The following ZBTB16 variants were observed in gnomAD, a reference collection of about 807,000 sequenced individuals.
ZBTB16 encodes zinc finger and BTB domain containing 16.
In ZBTB16, 8 loss-of-function variants were observed where a neutral mutation model predicts 56.8. That is an observed-to-expected ratio of 0.14 (90% CI 0.08 to 0.25). The LOEUF (loss-of-function observed/expected upper bound fraction) is 0.25. ZBTB16 is among the 10% of genes least tolerant of loss of function. The pLI is 1.00. For synonymous variants in ZBTB16, 363 were observed against 368.5 expected (o/e 0.98, Z 0.17); for missense variants, 625 against 903.0 (o/e 0.69, Z 3.95).
chr11:114,172,997 T>C (rs1943009971), intron 3 of ZBTB16, among the ~76,000 whole-genome samples: 2 of 152,192 alleles, frequency 1.3e-5, no homozygotes, highest in Non-Finnish European at 2.9e-5. Context: ...GTCAGTGCCG[T>C]AGTTGTAATG....
At chr11:114,092,096 C>T (rs1940213605) in intron 2 of ZBTB16, among the ~76,000 whole-genome samples, 1 of 152,142 alleles carries the variant, frequency 6.6e-6, no homozygotes, top group Non-Finnish European at 1.5e-5. Context: ...GAGGTCCCGG[C>T]CAGAGGGGCA....
In ZBTB16 at chr11:114,144,220, G is replaced by GCAC. The variant is rs769906981; in HGVS notation, c.1269-12116_1269-12114dup. Among the ~76,000 whole-genome samples, 78 of 142,924 alleles carry GCAC rather than the reference G, an allele frequency of 5.5e-4. 1 individual carries two copies. Among genetic ancestry groups the GCAC allele is most frequent in the Non-Finnish European group, 8.8e-4 (57 of 64,498 alleles). 93.8% of individuals were successfully genotyped at this position (142,924 alleles called of 152,430 possible). Reference sequence around the variant, plus strand: ...CACACACACACACACACACTCCCACGCACACTGGGCATGGACACCAATTGT... The same window carrying GCAC: ...CACACACACACACACACACTCCCACGCACCACACTGGGCATGGACACCAATTGT... On this transcript the variant is annotated intron_variant, in intron 2 of 6. Coordinates refer to ENST00000335953, the MANE Select transcript of ZBTB16 (RefSeq NM_006006.6).
intron 3 of ZBTB16, among the ~76,000 whole-genome samples, chr11:114,185,060 TAGTC>T (rs1319565303): frequency 6.6e-6 from 1 of 151,760 alleles, no homozygotes; most frequent in Non-Finnish European, 1.5e-5. Context: ...AAAACAGAAT[TAGTC>T]AGGCATGGTG....
intron 4 of ZBTB16, among the ~76,000 whole-genome samples, chr11:114,237,492 C>T (rs897485244): frequency 2.6e-4 from 39 of 152,220 alleles, no homozygotes; most frequent in African/African-American, 7.7e-4. Context: ...TAGCAGAGGA[C>T]GGAACCCAGG....
chr11:114,085,546 A>G (rs893842521), intron 2 of ZBTB16, among the ~76,000 whole-genome samples: 6 of 152,164 alleles, frequency 3.9e-5, no homozygotes, highest in Admixed American at 2.6e-4. Context: ...GTATGATTAA[A>G]TATTATATAA....
At chr11:114,162,791 C>T (rs1287431000) in intron 3 of ZBTB16, among the ~76,000 whole-genome samples, 4 of 152,166 alleles carry the variant, frequency 2.6e-5, no homozygotes, top group Non-Finnish European at 1.5e-5. Flanking sequence ...GCCCTCCCTT[C>T]GGTCCGCATG....
chr11:114,060,997 G>T lies in ZBTB16; in HGVS notation c.-91+1115G>T, dbSNP rs1277245583. 6.6e-6 allele frequency among the ~76,000 whole-genome samples: 1 copy of T among 152,158 alleles called. No individual in the cohort carries two copies. Among genetic ancestry groups the T allele is most frequent in the Non-Finnish European group, 1.5e-5 (1 of 68,018 alleles). ...CCGCTCTCGCCGCGGAGTCCAGCCC[G>T]CCCGGACTGTCGCCGTTCCTCCCCG... On this transcript the variant is annotated intron_variant, in intron 1 of 6. Transcript: ENST00000335953. This position sits in a 1 kb window ranked among gnomAD's most constrained non-coding sequence, Gnocchi z 6.0.
At chr11:114,094,310 G>A (rs1351911517) in intron 2 of ZBTB16, among the ~76,000 whole-genome samples, 2 of 152,090 alleles carry the variant, frequency 1.3e-5, no homozygotes, top group East Asian at 3.9e-4. Flanking sequence ...GCAAGACTCC[G>A]TCTCAAAAAA....
intron 2 of ZBTB16, among the ~76,000 whole-genome samples, chr11:114,129,610 G>T (rs1266556325): frequency 6.6e-6 from 1 of 152,070 alleles, no homozygotes; most frequent in African/African-American, 2.4e-5. Context: ...TTCATTTCCT[G>T]CTCAGAAATA....
At chr11:114,106,475 T>C (rs1428355487) in intron 2 of ZBTB16, among the ~76,000 whole-genome samples, 3 of 149,216 alleles carry the variant, frequency 2.0e-5, no homozygotes, top group Admixed American at 6.8e-5. Context: ...CGATCTTCTT[T>C]TTTTTTTTTT....
chr11:114,216,974 G>A lies in ZBTB16; in HGVS notation c.1454-25193G>A, dbSNP rs79154748. Among the ~76,000 whole-genome samples the A allele has an allele frequency of 5.6e-3, 860 of 152,342 alleles. 8 individuals are homozygous for A. The highest frequency in any genetic ancestry group is 0.019 in the African/African-American group (778 of 41,582). ...ATACACAGGATACTGTGGTAGCCCA[G>A]AGGAAGGGTGCTCAGCAGATACCCA... is the stretch of plus-strand genomic sequence containing the variant. On this transcript the variant is annotated intron_variant, in intron 4 of 6. Coordinates refer to ENST00000335953, the MANE Select transcript of ZBTB16 (RefSeq NM_006006.6).
intron 2 of ZBTB16, among the ~76,000 whole-genome samples, chr11:114,130,030 G>C (rs567240050): frequency 3.3e-5 from 5 of 152,372 alleles, no homozygotes; most frequent in African/African-American, 1.2e-4. Flanking sequence ...TGGAAATCAA[G>C]TGTCTCTTAA....
chr11:114,175,309 A>G (rs1309906046), intron 3 of ZBTB16, among the ~76,000 whole-genome samples: 2 of 152,254 alleles, frequency 1.3e-5, no homozygotes, highest in African/African-American at 4.8e-5. Flanking sequence ...TGCTGCTGCC[A>G]TAGTGTTGAC....
chr11:114,233,448 C>T (rs1365951709), intron 4 of ZBTB16, among the ~76,000 whole-genome samples: 2 of 151,928 alleles, frequency 1.3e-5, no homozygotes. Context: ...CTTAACATGC[C>T]CCCTTCCTGC....
chr11:114,156,363 A>G lies in ZBTB16; in HGVS notation c.1295A>G (p.Tyr432Cys). ...AAGCTGCACAGTGGGATGAAGACGT[A>G]CGGGTGCGAGCTCTGCGGGAAGCGG... ...HRKLHSGMKT[Y>C]GCELCGKRFL... is the part of the protein sequence containing the mutation. Residue 432 changes from tyrosine to cysteine, a missense_variant, in exon 3 of 7, where the codon TAC (tyrosine) becomes TGC (cysteine). Around this residue, in one of 6 missense-constraint regions of ZBTB16, gnomAD observed 140 missense variants for 214.8 expected, o/e 0.65. Transcript: ENST00000335953. The G allele has an allele frequency of 6.2e-7, 1 of 1,614,250 alleles. No homozygotes were observed. Among genetic ancestry groups the G allele is most frequent in the Non-Finnish European group, 8.5e-7 (1 of 1,180,040 alleles).
chr11:114,221,783 G>A lies in ZBTB16; in HGVS notation c.1454-20384G>A, dbSNP rs1373473112. On this transcript the variant is annotated intron_variant, in intron 4 of 6. Coordinates refer to ENST00000335953, the MANE Select transcript of ZBTB16 (RefSeq NM_006006.6). ...GTCTTTAGCATTCTCTGACTGTGCT[G>A]GTATTACTGGGAAACAACAGTCTTC... 2.6e-5 allele frequency among the ~76,000 whole-genome samples: 4 copies of A among 152,234 alleles called. No individual in the cohort carries two copies. In the East Asian group the frequency reaches 7.7e-4, roughly 29 times the overall value.
rs1467624664 is a variant in ZBTB16 at position 114,063,882 on chromosome 11, A to G, written c.582A>G (p.Ser194=). The G allele has an allele frequency of 6.2e-7, 1 of 1,614,070 alleles. No individual in the cohort carries two copies. The highest frequency in any genetic ancestry group is 8.5e-7 in the Non-Finnish European group (1 of 1,180,016). The part of the protein sequence containing the change: ...SPSVSTSFGL[S]AMSPTKAAVD... ...CAGTCTCCACTTCATTTGGTCTTTC[A>G]GCCATGAGTCCCACCAAGGCTGCAG... Residue 194 remains serine, a synonymous_variant, in exon 2 of 7, where the codon TCA becomes TCG. Transcript: ENST00000335953. The surrounding 1 kb of genome is among the most constrained non-coding windows in gnomAD (Gnocchi z 6.5).
At chr11:114,239,131 G>A (rs1349386460) in intron 4 of ZBTB16, among the ~76,000 whole-genome samples, 10 of 152,128 alleles carry the variant, frequency 6.6e-5, no homozygotes, top group Non-Finnish European at 1.5e-5. Context: ...GAGGGGCCTT[G>A]GAAAGGCCAA....
At chr11:114,194,786 A>G (rs898570869) in intron 4 of ZBTB16, among the ~76,000 whole-genome samples, 2 of 152,234 alleles carry the variant, frequency 1.3e-5, no homozygotes, top group African/African-American at 4.8e-5. Context: ...TATATCAGGA[A>G]TGTCTTAAAT....
Sources: gnomAD v4.1 joint callset for allele counts (sites outside exome capture counted in the v4.1 genomes callset) on GRCh38, gnomAD v4.1.1 for gene constraint, gnomAD v4.1.1 regional missense constraint, Gnocchi (gnomAD v3.1) non-coding constraint, MANE v1.5 for transcripts, NCBI Gene and HGNC (gene_info 2026-07-23, HGNC 2026-07-21) for gene names.